Variants in MACROD2 observed in about 807,000 individuals in gnomAD.
MACROD2 encodes the protein ADP-ribose glycohydrolase MACROD2.
In MACROD2, 36 loss-of-function variants were observed where a neutral mutation model predicts 70.4. The observed-to-expected ratio is 0.51, with a 90% CI of 0.39 to 0.68. The LOEUF is 0.68. MACROD2 is among the 30% of genes least tolerant of loss of function. The pLI is 0.00. For synonymous variants in MACROD2, 172 were observed against 178.8 expected (o/e 0.96, Z 0.30); for missense variants, 496 against 538.4 (o/e 0.92, Z 0.78).
chr20:14,325,761 C>T, intron 3 of MACROD2: 4 of 1,613,830 alleles, frequency 2.5e-6, no homozygotes, highest in African/African-American at 1.3e-5. Flanking sequence ...TAGAGTTGTC[C>T]TTCTTAGTGC....
At chr20:15,879,862 C>T (rs578014337) in intron 9 of MACROD2, among the ~76,000 whole-genome samples, 17 of 151,986 alleles carry the variant, frequency 1.1e-4, no homozygotes, top group East Asian at 9.7e-4. Flanking sequence ...TGGAACCAAC[C>T]GTGTAGTTGT....
chr20:15,979,736 G>A (rs1479694968), intron 13 of MACROD2, among the ~76,000 whole-genome samples: 2 of 152,062 alleles, frequency 1.3e-5, no homozygotes, highest in African/African-American at 4.8e-5. Context: ...TACAGGGGAG[G>A]GTAGGAGGAG....
At chr20:14,673,381 G>T (rs1414567045) in intron 4 of MACROD2, among the ~76,000 whole-genome samples, 1 of 152,130 alleles carries the variant, frequency 6.6e-6, no homozygotes, top group Non-Finnish European at 1.5e-5. Flanking sequence ...AAAGTTCTCA[G>T]TTGGCAGTGT....
intron 4 of MACROD2, among the ~76,000 whole-genome samples, chr20:14,577,411 C>A (rs1161534091): frequency 1.3e-5 from 2 of 152,044 alleles, no homozygotes; most frequent in Non-Finnish European, 2.9e-5. Context: ...TATTTTAAGA[C>A]CTAAAAGGGA....
chr20:15,576,895 G>A (rs6043373), intron 8 of MACROD2, among the ~76,000 whole-genome samples: 1 of 152,188 alleles, frequency 6.6e-6, no homozygotes, highest in Non-Finnish European at 1.5e-5. Flanking sequence ...TGCTTTGGAA[G>A]GAAATCAATC....
intron 5 of MACROD2, among the ~76,000 whole-genome samples, chr20:14,804,120 T>G (rs768753762): frequency 6.6e-6 from 1 of 152,108 alleles, no homozygotes; most frequent in Non-Finnish European, 1.5e-5. Context: ...TTAAATTTCA[T>G]TCAGTTGACT....
chr20:15,514,288 C>T (rs1006657438), intron 8 of MACROD2, among the ~76,000 whole-genome samples: 4 of 152,160 alleles, frequency 2.6e-5, no homozygotes, highest in Non-Finnish European at 5.9e-5. Context: ...CCACTCTCAC[C>T]CACTGGCTTT....
rs182599079 is a variant in MACROD2, at chr20:14,227,570, A to G, written c.271+141842A>G. On this transcript the variant is annotated intron_variant, in intron 3 of 17. Coordinates refer to ENST00000684519, the MANE Select transcript of MACROD2 (RefSeq NM_001351661.2). ...ACCATGCACCCACCAGAAGGAAGAA[A>G]CTCCGAACGCATCTGAACATCAGAA... Among the ~76,000 whole-genome samples the G allele has an allele frequency of 1.3e-4, 20 of 152,118 alleles. No individual in the cohort carries two copies. In the East Asian group the frequency reaches 3.7e-3, roughly 28 times the overall value.
At chr20:15,718,818 T>C (rs1600803294) in intron 8 of MACROD2, among the ~76,000 whole-genome samples, 2 of 152,188 alleles carry the variant, frequency 1.3e-5, no homozygotes, top group African/African-American at 4.8e-5. Context: ...AGAACTAAAG[T>C]CTGTCCTTCG....
chr20:15,057,055 A>T (rs375958381), intron 5 of MACROD2, among the ~76,000 whole-genome samples: 1 of 152,212 alleles, frequency 6.6e-6, no homozygotes, highest in African/African-American at 2.4e-5. Flanking sequence ...TGAGGATGGG[A>T]TATATGAGTC....
intron 5 of MACROD2, among the ~76,000 whole-genome samples, chr20:15,149,044 C>T (rs2076250450): frequency 6.6e-6 from 1 of 151,994 alleles, no homozygotes; most frequent in Admixed American, 6.5e-5. Flanking sequence ...TAGGAAAGGC[C>T]TCTACCTATC....
intron 6 of MACROD2, among the ~76,000 whole-genome samples, chr20:15,320,693 G>A (rs947385979): frequency 4.6e-5 from 7 of 152,098 alleles, no homozygotes; most frequent in African/African-American, 1.7e-4. Flanking sequence ...TCCATTGTGG[G>A]TATTCCTGAG....
At chr20:14,101,756 G>T (rs1006315098) in intron 3 of MACROD2, among the ~76,000 whole-genome samples, 18 of 151,088 alleles carry the variant, frequency 1.2e-4, no homozygotes, top group African/African-American at 4.4e-4. Flanking sequence ...CAGGAGCTTT[G>T]TTTTGGTCTT....
chr20:14,938,991 A>G (rs1410483604), intron 5 of MACROD2, among the ~76,000 whole-genome samples: 1 of 99,420 alleles, frequency 1.0e-5, no homozygotes, highest in Non-Finnish European at 2.1e-5. Flanking sequence ...CTTCTTACAT[A>G]CTCTGGTTAT....
At chr20:14,652,722 A>C (rs139983153) in intron 4 of MACROD2, among the ~76,000 whole-genome samples, 133 of 152,292 alleles carry the variant, frequency 8.7e-4, no homozygotes, top group South Asian at 8.1e-3. Context: ...TTATCTAAAT[A>C]TATAATTAAG....
In MACROD2 at chr20:15,389,874, A is replaced by G. The variant is rs1429386441; in HGVS notation, c.541-41531A>G. On this transcript the variant is annotated intron_variant, in intron 6 of 17. Transcript: ENST00000684519. ...TGTAGGGAGTTCAGTGTTGCCTTAA[A>G]TGTTCCTGGTACTAATTTGTTTTGC... 3.9e-5 allele frequency among the ~76,000 whole-genome samples: 6 copies of G among 152,220 alleles called. No individual in the cohort carries two copies. The East Asian group carries it at 1.2e-3, about 29-fold the overall frequency.
intron 5 of MACROD2, among the ~76,000 whole-genome samples, chr20:14,795,024 C>G (rs1325152916): frequency 6.6e-6 from 1 of 151,984 alleles, no homozygotes; most frequent in Non-Finnish European, 1.5e-5. Context: ...AGGAAAGACA[C>G]CATTCCTTAA....
intron 5 of MACROD2, among the ~76,000 whole-genome samples, chr20:14,955,479 C>G (rs770631902): frequency 6.6e-6 from 1 of 151,334 alleles, no homozygotes; most frequent in Non-Finnish European, 1.5e-5. Context: ...TCGTATATTG[C>G]GATATGTCTG....
intron 8 of MACROD2, among the ~76,000 whole-genome samples, chr20:15,834,674 C>A (rs555611222): frequency 2.0e-5 from 3 of 152,154 alleles, no homozygotes; most frequent in South Asian, 2.1e-4. Context: ...ATCTTTGCAA[C>A]CCTGAAGGTT....
Sources: gnomAD v4.1 joint callset for allele counts (sites outside exome capture counted in the v4.1 genomes callset) on GRCh38, gnomAD v4.1.1 for gene constraint, MANE v1.5 for transcripts, NCBI Gene and HGNC (gene_info 2026-07-23, HGNC 2026-07-21) for gene names.